KRI1: variants seen among roughly 807,000 people sequenced by gnomAD.
KRI1 encodes the protein protein KRI1 homolog.
A neutral mutation model predicts 97.0 loss-of-function variants in KRI1; 83 were observed. The observed-to-expected ratio is 0.86, with a 90% confidence interval of 0.72 to 1.03. The LOEUF (loss-of-function observed/expected upper bound fraction) is 1.03, where lower values mean the gene tolerates loss of function less well. Among genes scored for constraint, KRI1 ranks in the 50% least tolerant of loss-of-function variants. KRI1 has a pLI of 0.00. For synonymous variants in KRI1, 371 were observed against 363.5 expected (o/e 1.02, Z -0.23); for missense variants, 916 against 928.4 (o/e 0.99, Z 0.17).
At position 10,559,538 on chromosome 19, in the gene KRI1, C is replaced by A. The variant is rs147645270; in HGVS notation, c.1024-9G>T. 4,747 of 1,613,938 alleles carry A rather than the reference C, an allele frequency of 2.9e-3. 106 individuals carry two copies. In the African/African-American group the frequency reaches 0.055, roughly 19 times the overall value. On this transcript the variant is annotated splice_polypyrimidine_tract_variant and intron_variant, in intron 11 of 18. Transcript: ENST00000312962. ...TGCTTCTTTGCTTTCTCCTGCAGGC[C>A]CAGGCAGAGAGGGGGAGGGCATGGG...
Position 10,560,692 on chromosome 19 carries a change from A to G in KRI1, c.664-244T>C, listed in dbSNP as rs138139298. Among the ~76,000 whole-genome samples the G allele has an allele frequency of 2.6e-5, 4 of 152,238 alleles. No individual in the cohort carries two copies. In the East Asian group the frequency reaches 7.7e-4, roughly 29 times the overall value. On this transcript the variant is annotated intron_variant, in intron 8 of 18. Transcript: ENST00000312962. ...AAGATCCTCCCACCTTAGCCTCCCA[A>G]GTATTTGAGACTACAGGTGCATGCC...
At chr19:10,564,537 C>A (rs1168105510) in intron 3 of KRI1, among the ~76,000 whole-genome samples, 1 of 152,096 alleles carries the variant, frequency 6.6e-6, no homozygotes, top group Non-Finnish European at 1.5e-5. Flanking sequence ...ATTGACCCTC[C>A]CACCTCAGCC....
chr19:10,565,758 T>C lies in KRI1; in HGVS notation c.127A>G (p.Ser43Gly). The C allele has an allele frequency of 6.3e-7, 1 of 1,581,000 alleles. No individual in the cohort carries two copies. The highest frequency in any genetic ancestry group is 1.7e-4 in the Middle Eastern group (1 of 5,792). The change falls in exon 2 of 19, where the codon AGC becomes GGC. Residue 43 changes from serine (S) to glycine (G), a missense_variant. By Grantham distance (56) the Ser-to-Gly change is moderately conservative (BLOSUM62 0). This residue lies in a region of KRI1 where 173 missense variants were observed against 153.1 expected (regional missense o/e 1.13). Coordinates refer to ENST00000312962, the MANE Select transcript of KRI1 (RefSeq NM_023008.5). ...KDRYGDRDSS[S>G]DSSSESDSSD... ...GAGTCCGACTCGGAGCTGGAGTCGC[T>C]GCTGCTGTCTCGGTCCCCGTAGCGA...
chr19:10,557,458 C>G, intron 16 of KRI1, 94 bp downstream of exon 16: 1 of 1,370,194 alleles, frequency 7.3e-7, no homozygotes, highest in East Asian at 2.3e-5. Flanking sequence ...TGTGGCATTT[C>G]TGAGCAACAG....
intron 3 of KRI1, among the ~76,000 whole-genome samples, chr19:10,563,382 T>C (rs1396099582): frequency 7.2e-6 from 1 of 138,514 alleles, no homozygotes; most frequent in Non-Finnish European, 1.6e-5. Flanking sequence ...TGAGACAGAG[T>C]CTCACTCCGT....
In KRI1 at chr19:10,553,225, A is replaced by C; in HGVS notation, c.*726T>G. 1 of 920,330 alleles carries C rather than the reference A, an allele frequency of 1.1e-6. No individual in the cohort carries two copies. The highest frequency in any genetic ancestry group is 2.7e-5 in the East Asian group (1 of 37,458). The allele number at this position is 920,330 out of a possible 1,614,324, so 57.0% of individuals were successfully genotyped here. On this transcript the variant is annotated 3_prime_UTR_variant, in exon 19 of 19. Transcript: ENST00000312962. ...TCTGGGGCCATTCAGCCAGGGACAGAGCCCACAGAGCCCATACACCTGTCT... is the reference window on the plus strand; with the variant it reads ...TCTGGGGCCATTCAGCCAGGGACAGCGCCCACAGAGCCCATACACCTGTCT...
rs1189757702 is a variant in KRI1, at chr19:10,559,511, C to T, written c.1042G>A (p.Glu348Lys). Residue 348 changes from glutamate to lysine, a missense_variant, in exon 12 of 19, where the codon GAA becomes AAA. Physicochemically the swap from Glu to Lys is moderately conservative, Grantham distance 56. Transcript: ENST00000312962. ...AGGTTCTTCAGCTGCTTGAGCTCTT[C>T]CTGCTTCTTTGCTTTCTCCTGCAGG... ...RKKREKAKKQ[E>K]ELKQLKNLKR... The T allele has an allele frequency of 1.2e-6, 2 of 1,613,864 alleles. No individual in the cohort carries two copies. Among genetic ancestry groups the T allele is most frequent in the African/African-American group, 2.7e-5 (2 of 74,888 alleles).
Position 10,561,913 on chromosome 19 carries a change from A to T in KRI1, c.384-68T>A, listed in dbSNP as rs565740954. ...CCCGCCTGTCCCCATGCCCATGCGG[A>T]GCAGCTATTCCAAGCAACAGCTGGC... is the stretch of plus-strand genomic sequence containing the variant. On this transcript the variant is annotated intron_variant, in intron 4 of 18. Transcript: ENST00000312962. 54 of 1,464,628 alleles carry T rather than the reference A, an allele frequency of 3.7e-5. No homozygotes were observed. The African/African-American group carries it at 6.8e-4, about 18-fold the overall frequency. The allele number at this position is 1,464,628 out of a possible 1,614,324, so 90.7% of individuals were successfully genotyped here.
intron 18 of KRI1, 95 bp from the exon 19 acceptor site, chr19:10,554,376 G>A: frequency 9.2e-7 from 1 of 1,081,318 alleles, no homozygotes; most frequent in Non-Finnish European, 1.4e-6. Flanking sequence ...GAAAGGAGGG[G>A]CATAGTGAAG....
In KRI1 at chr19:10,557,691, GAC is replaced by G. The variant is rs1249673065; in HGVS notation, c.1487-11_1487-10del. The G allele has an allele frequency of 6.2e-7, 1 of 1,614,194 alleles. No homozygotes were observed. The highest frequency in any genetic ancestry group is 8.5e-7 in the Non-Finnish European group (1 of 1,180,006). ...CTCGAACGTCTTGTCCCCTGCTCGA[GAC>G]AGAGCCAGGCTGCTGGGCTATGCCA... On this transcript the variant is annotated splice_polypyrimidine_tract_variant and intron_variant, in intron 15 of 18. Transcript: ENST00000312962.
At chr19:10,559,550 G>T in intron 11 of KRI1, 21 bp from the exon 12 acceptor site, 1 of 1,613,844 alleles carries the variant, frequency 6.2e-7, no homozygotes. Flanking sequence ...AGGCAGAGAG[G>T]GGGAGGGCAT....
chr19:10,562,752 C>T lies in KRI1; in HGVS notation c.360G>A (p.Arg120=). 2 of 1,607,642 alleles carry T rather than the reference C, an allele frequency of 1.2e-6. No homozygotes were observed. Among genetic ancestry groups the T allele is most frequent in the Non-Finnish European group, 1.7e-6 (2 of 1,174,046 alleles). ...ACCCTGCCTTCTCCAAGATAACCTT[C>T]CTCTCGTAGTCCTTCAGGTACATGG... ...VRPMYLKDYE[R]KVILEKAGKY... is the part of the protein sequence containing the mutation. The change falls in exon 4 of 19, where the codon AGG becomes AGA. Residue 120 remains arginine (R), a synonymous_variant. Coordinates refer to ENST00000312962, the MANE Select transcript of KRI1 (RefSeq NM_023008.5).
chr19:10,560,946 T>C (rs761325319), intron 8 of KRI1, 57 bp downstream of exon 8: 52 of 1,327,794 alleles, frequency 3.9e-5, no homozygotes, highest in Non-Finnish European at 4.8e-5. Flanking sequence ...TGTAAATAGG[T>C]TGGATGGACG....
intron 2 of KRI1, 27 bp from the exon 3 acceptor site, chr19:10,565,061 G>T (rs368581731): frequency 3.0e-5 from 44 of 1,445,912 alleles, no homozygotes; most frequent in Non-Finnish European, 4.0e-5. Context: ...GTTGGGGATA[G>T]ATTTCAGAAG....
rs778698371 is a variant in KRI1, at chr19:10,560,364, C to T, written c.748G>A (p.Glu250Lys). ...TCTTCCTCCTCCTCTTCCTCCTCCT[C>T]ATAGCGTTTGTTGAGGATGTAATCC... is the stretch of plus-strand genomic sequence containing the variant. The part of the protein sequence containing the change: ...LRDYILNKRY[E>K]EEEEEEEDEE... Residue 250 changes from glutamate (E) to lysine (K), a missense_variant, in exon 9 of 19, where the codon GAG (glutamate) becomes AAG (lysine). Physicochemically the swap from Glu to Lys is moderately conservative, Grantham distance 56. Transcript: ENST00000312962. 3 of 1,613,856 alleles carry T rather than the reference C, an allele frequency of 1.9e-6. No individual in the cohort carries two copies. The highest frequency in any genetic ancestry group is 1.7e-4 in the Middle Eastern group (1 of 6,058).
rs771907639 is a variant in KRI1, at chr19:10,560,369, C to A, written c.743G>T (p.Arg248Leu). The A allele has an allele frequency of 2.5e-6, 4 of 1,613,468 alleles. No homozygotes were observed. The highest frequency in any genetic ancestry group is 1.1e-5 in the South Asian group (1 of 90,848). The stretch of plus-strand genomic sequence containing the variant: ...CTCCTCCTCTTCCTCCTCCTCATAG[C>A]GTTTGTTGAGGATGTAATCCCGCAG... ...RFLRDYILNK[R>L]YEEEEEEEED... Residue 248 changes from arginine to leucine, a missense_variant, in exon 9 of 19, where the codon CGC becomes CTC. By Grantham distance (102) the Arg-to-Leu change is moderately radical (BLOSUM62 -2). Transcript: ENST00000312962.
At chr19:10,558,654 T>C (rs1244277090) in intron 12 of KRI1, among the ~76,000 whole-genome samples, 1 of 152,100 alleles carries the variant, frequency 6.6e-6, no homozygotes, top group Non-Finnish European at 1.5e-5. Context: ...GCGATTCTCC[T>C]GCCTCAGCCT....
At position 10,559,903 on chromosome 19, in the gene KRI1, G is replaced by A. The variant is rs759131682; in HGVS notation, c.834C>T (p.Asp278=). Residue 278 remains aspartate (D), a synonymous_variant, in exon 10 of 19, where the codon GAC becomes GAT. Transcript: ENST00000312962. ...VHGPPVQLAV[D]DSSDEGELFL... Reference sequence around the variant, plus strand: ...ACAGCTCCCCTTCGTCTGAGGAGTCGTCCACAGCCAGCTGGACTGGGGGAC... The same window carrying A: ...ACAGCTCCCCTTCGTCTGAGGAGTCATCCACAGCCAGCTGGACTGGGGGAC... 1.1e-5 allele frequency: 18 copies of A among 1,612,742 alleles called. No homozygotes were observed. The highest frequency in any genetic ancestry group is 1.5e-5 in the Non-Finnish European group (18 of 1,179,968).
chr19:10,560,308 T>TCACCC lies in KRI1; in HGVS notation c.799_800+3dup. 6.2e-7 allele frequency: 1 copy of TCACCC among 1,601,816 alleles called. No homozygotes were observed. The highest frequency in any genetic ancestry group is 1.7e-5 in the Admixed American group (1 of 58,754). On this transcript the variant is annotated splice_donor_region_variant and intron_variant, in intron 9 of 18. Coordinates refer to ENST00000312962, the MANE Select transcript of KRI1 (RefSeq NM_023008.5). ...CTAGGTCCTGGGGAGATGCAGTGGC[T>TCACCC]CACCCCTCCTCTTCCTCCATTTCCT... is the stretch of plus-strand genomic sequence containing the variant.
Sources: allele counts gnomAD v4.1 joint callset (sites outside exome capture counted in the v4.1 genomes callset), GRCh38; gene constraint gnomAD v4.1.1; regional missense constraint gnomAD v4.1.1; transcripts MANE v1.5; gene names NCBI Gene and HGNC (gene_info 2026-07-23, HGNC 2026-07-21).